ADAM22: variants seen among roughly 807,000 people sequenced by gnomAD.
ADAM22 encodes disintegrin and metalloproteinase domain-containing protein 22.
ADAM22 carries 65 observed loss-of-function variants against 144.6 expected under a neutral mutation model. That is an observed-to-expected ratio of 0.45 (90% confidence interval 0.37 to 0.55). The LOEUF (loss-of-function observed/expected upper bound fraction) is 0.55. Ranked by LOEUF, ADAM22 falls within the 20% of genes least tolerant of loss-of-function variation. ADAM22 has a pLI of 0.00. For missense variants in ADAM22, 974 were observed against 1,184.9 expected (o/e 0.82, Z 2.61); for synonymous variants, 391 against 412.6 (o/e 0.95, Z 0.63).
intron 3 of ADAM22, among the ~76,000 whole-genome samples, chr7:88,049,604 G>A (rs969809219): frequency 6.6e-6 from 1 of 152,116 alleles, no homozygotes; most frequent in Non-Finnish European, 1.5e-5. Context: ...CTCCATGTTG[G>A]TCAGGCTGGT....
intron 4 of ADAM22, among the ~76,000 whole-genome samples, chr7:88,085,807 C>T (rs1193863323): frequency 6.6e-6 from 1 of 152,168 alleles, no homozygotes; most frequent in Non-Finnish European, 1.5e-5. Flanking sequence ...TATCATAACC[C>T]CTTCCTTGCT....
intron 3 of ADAM22, among the ~76,000 whole-genome samples, chr7:87,997,644 G>A (rs1025374798): frequency 6.6e-6 from 1 of 152,234 alleles, no homozygotes; most frequent in African/African-American, 2.4e-5. Flanking sequence ...TCCCTGGGTG[G>A]TGATCCCCTT....
chr7:88,000,678 C>T (rs1792335392), intron 3 of ADAM22, among the ~76,000 whole-genome samples: 1 of 152,128 alleles, frequency 6.6e-6, no homozygotes, highest in African/African-American at 2.4e-5. Context: ...AAATAAATTA[C>T]AGCTTATATA....
chr7:88,034,510 G>A (rs1801042872), intron 3 of ADAM22, among the ~76,000 whole-genome samples: 2 of 152,142 alleles, frequency 1.3e-5, no homozygotes, highest in Non-Finnish European at 2.9e-5. Flanking sequence ...GGGACTGGGG[G>A]AGGTGTGGTA....
intron 29 of ADAM22, among the ~76,000 whole-genome samples, chr7:88,185,321 C>T (rs1586601140): frequency 6.6e-6 from 1 of 151,866 alleles, no homozygotes; most frequent in African/African-American, 2.4e-5. Context: ...TATAGTACCT[C>T]GATTATGGCT....
intron 3 of ADAM22, among the ~76,000 whole-genome samples, chr7:88,002,006 C>T (rs1425282589): frequency 6.6e-6 from 1 of 151,930 alleles, no homozygotes; most frequent in Non-Finnish European, 1.5e-5. Context: ...TCTTGTTCTG[C>T]TTGACCTGGC....
intron 3 of ADAM22, among the ~76,000 whole-genome samples, chr7:88,022,843 G>C (rs1465944971): frequency 3.9e-5 from 6 of 151,984 alleles, no homozygotes; most frequent in African/African-American, 1.5e-4. Context: ...ACCATCACTA[G>C]GTAAGTTCAA....
chr7:88,158,877 A>G (rs745650482), intron 22 of ADAM22, among the ~76,000 whole-genome samples: 3 of 152,070 alleles, frequency 2.0e-5, no homozygotes, highest in Non-Finnish European at 2.9e-5. Context: ...ACCAACCCCA[A>G]AGCTAGCAGA....
rs766347137 is a variant in ADAM22 at position 88,193,198 on chromosome 7, C to G, written c.2833C>G (p.Leu945Val). Residue 945 changes from leucine (L) to valine (V), a missense_variant, in exon 31 of 32, where the codon CTT (leucine) becomes GTT (valine). Transcript: ENST00000413139. Reference sequence around the variant, plus strand: ...AAAATACCCTTACCCAATGCCTCCACTTCCTGATGAGGACAAGAAAGTGAA... The same window carrying G: ...AAAATACCCTTACCCAATGCCTCCAGTTCCTGATGAGGACAAGAAAGTGAA... ...SRKYPYPMPP[L>V]PDEDKKVNRQ... is the part of the protein sequence containing the mutation. 6.2e-7 allele frequency: 1 copy of G among 1,614,122 alleles called. No individual in the cohort carries two copies. The highest frequency in any genetic ancestry group is 1.1e-5 in the South Asian group (1 of 91,084).
chr7:87,943,123 T>C (rs879795322), intron 2 of ADAM22, among the ~76,000 whole-genome samples: 4 of 149,018 alleles, frequency 2.7e-5, no homozygotes, highest in Non-Finnish European at 4.5e-5. Flanking sequence ...TAAATAAATA[T>C]AAACATTTAT....
chr7:87,945,699 A>G (rs1383450116), intron 2 of ADAM22, among the ~76,000 whole-genome samples: 2 of 151,812 alleles, frequency 1.3e-5, no homozygotes, highest in Non-Finnish European at 2.9e-5. Context: ...TTTTTAGTAG[A>G]GACGGGGGTT....
intron 3 of ADAM22, among the ~76,000 whole-genome samples, chr7:87,997,221 A>G (rs1791448097): frequency 6.6e-6 from 1 of 152,260 alleles, no homozygotes; most frequent in Non-Finnish European, 1.5e-5. Flanking sequence ...AAAAAACAGA[A>G]ATAAATAGTT....
intron 3 of ADAM22, among the ~76,000 whole-genome samples, chr7:88,069,256 TTCCTTCTC>T (rs558583030): frequency 2.5e-3 from 376 of 152,006 alleles, no homozygotes; most frequent in African/African-American, 8.6e-3. Context: ...TCCTTCTGCT[TTCCTTCTC>T]TCCTTCTCTC....
intron 1 of ADAM22, 54 bp from the exon 2 acceptor site, chr7:87,934,972 T>C: frequency 6.2e-7 from 1 of 1,609,812 alleles, no homozygotes. Flanking sequence ...AGGGTCAGGG[T>C]CATTATTTTC....
intron 2 of ADAM22, among the ~76,000 whole-genome samples, chr7:87,971,562 A>G (rs949717126): frequency 2.0e-5 from 3 of 152,244 alleles, no homozygotes; most frequent in Non-Finnish European, 4.4e-5. Context: ...ATTCTTATGT[A>G]GTAATTTGAA....
At chr7:88,175,969 G>A (rs971808782) in intron 26 of ADAM22, among the ~76,000 whole-genome samples, 2 of 151,956 alleles carry the variant, frequency 1.3e-5, no homozygotes, top group African/African-American at 2.4e-5. Flanking sequence ...ATTAGTAGTA[G>A]TATTGTTATT....
intron 24 of ADAM22, among the ~76,000 whole-genome samples, chr7:88,166,650 A>G (rs559231046): frequency 6.6e-6 from 1 of 152,308 alleles, no homozygotes; most frequent in East Asian, 1.9e-4. Flanking sequence ...GAAAAAAGGA[A>G]TATGTTCATT....
chr7:88,130,279 T>C, intron 9 of ADAM22, 109 bp from the exon 10 acceptor site: 1 of 823,708 alleles, frequency 1.2e-6, no homozygotes, highest in African/African-American at 1.8e-5. Context: ...AAAGATTTTT[T>C]TTTTTTTTAC....
chr7:88,021,986 T>C (rs890985355), intron 3 of ADAM22, among the ~76,000 whole-genome samples: 1 of 151,956 alleles, frequency 6.6e-6, no homozygotes, highest in African/African-American at 2.4e-5. Flanking sequence ...GATCCTCCCA[T>C]TTCCGCCTCC....
Sources: allele counts gnomAD v4.1 joint callset (sites outside exome capture counted in the v4.1 genomes callset), GRCh38; gene constraint gnomAD v4.1.1; transcripts MANE v1.5; gene names NCBI Gene and HGNC (gene_info 2026-07-23, HGNC 2026-07-21).